The following MAB21L4 variants were observed in gnomAD, a reference collection of about 807,000 sequenced individuals.
The protein encoded by MAB21L4 is protein mab-21-like 4.
A neutral mutation model predicts 32.4 loss-of-function variants in MAB21L4; 25 were observed. The observed-to-expected ratio is 0.77, with a 90% CI of 0.56 to 1.08. The LOEUF is 1.08. MAB21L4 is among the 50% of genes least tolerant of loss of function. The pLI is 0.00. For missense variants in MAB21L4, 638 were observed against 611.0 expected (o/e 1.04, Z -0.47); for synonymous variants, 280 against 276.8 (o/e 1.01, Z -0.11).
Position 240,891,750 on chromosome 2 carries a change from C to T in MAB21L4, c.528G>A (p.Ala176=), listed in dbSNP as rs375876316. The change falls in exon 2 of 5, where the codon GCG becomes GCA. Residue 176 remains alanine (A), a synonymous_variant. Coordinates refer to ENST00000388934, the MANE Select transcript of MAB21L4 (RefSeq NM_001085437.3). ...GGAGCTGCTCCTCCCTCAGGCTGGC[C>T]GCGTTCAGCGAACCTGCAAAGACCC... ...HSLIAPGSLN[A]ASLREEQLHL... 1.2e-4 allele frequency: 195 copies of T among 1,608,242 alleles called. No homozygotes were observed. The highest frequency in any genetic ancestry group is 1.6e-4 in the East Asian group (7 of 44,860).
chr2:240,892,047 C>A (rs1331628276), intron 1 of MAB21L4: 2 of 1,471,468 alleles, frequency 1.4e-6, no homozygotes, highest in Non-Finnish European at 1.8e-6. Context: ...ATGACAGCAG[C>A]GTCCTACATG....
Position 240,886,726 on chromosome 2 carries a change from C to G in MAB21L4, c.*344G>C, listed in dbSNP as rs1283748270. On this transcript the variant is annotated 3_prime_UTR_variant, in exon 5 of 5. Coordinates refer to ENST00000388934, the MANE Select transcript of MAB21L4 (RefSeq NM_001085437.3). Reference sequence around the variant, plus strand: ...AAACCAAATATACAGCATTTCGTCACCAAGGAATGGCATACAGTGCAGGCA... The same window carrying G: ...AAACCAAATATACAGCATTTCGTCAGCAAGGAATGGCATACAGTGCAGGCA... The G allele has an allele frequency of 1.9e-5, 5 of 257,348 alleles. No homozygotes were observed. Among genetic ancestry groups the G allele is most frequent in the African/African-American group, 4.4e-5 (2 of 45,156 alleles). The allele number at this position is 257,348 out of a possible 1,614,324, so 15.9% of individuals were successfully genotyped here.
intron 1 of MAB21L4, among the ~76,000 whole-genome samples, chr2:240,894,670 T>C: frequency 6.6e-6 from 1 of 152,186 alleles, no homozygotes; most frequent in Non-Finnish European, 1.5e-5. Context: ...CTAGGCGTGG[T>C]AGCCCATGCC....
intron 4 of MAB21L4, among the ~76,000 whole-genome samples, chr2:240,887,950 G>A (rs923181468): frequency 6.6e-6 from 1 of 152,172 alleles, no homozygotes; most frequent in African/African-American, 2.4e-5. Flanking sequence ...ATCCCTTCAT[G>A]AGGAATGGAA....
rs1012170309 is a variant in MAB21L4 at position 240,892,162 on chromosome 2, G to A, written c.515-399C>T. ...CTGCTCACTCTGCCCCAGCCCTGGG[G>A]CCAAAGTCCCAGCCCTCAGCTAGCC... On this transcript the variant is annotated intron_variant, in intron 1 of 4. Coordinates refer to ENST00000388934, the MANE Select transcript of MAB21L4 (RefSeq NM_001085437.3). 11 of 887,342 alleles carry A rather than the reference G, an allele frequency of 1.2e-5. No homozygotes were observed. In the African/African-American group the frequency reaches 1.4e-4, roughly 11 times the overall value. The allele number at this position is 887,342 out of a possible 1,614,324, so 55.0% of individuals were successfully genotyped here.
chr2:240,891,779 T>A lies in MAB21L4; in HGVS notation c.515-16A>T, dbSNP rs1158480749. 1.9e-6 allele frequency: 3 copies of A among 1,604,262 alleles called. No homozygotes were observed. Among genetic ancestry groups the A allele is most frequent in the South Asian group, 1.1e-5 (1 of 90,724 alleles). On this transcript the variant is annotated splice_polypyrimidine_tract_variant and intron_variant, in intron 1 of 4. Transcript: ENST00000388934. ...TTCAGCGAACCTGCAAAGACCCAAG[T>A]CACGCCGGCCCCTCGACTTGCCTCA...
intron 3 of MAB21L4, among the ~76,000 whole-genome samples, chr2:240,889,746 G>A (rs2059127433): frequency 6.6e-6 from 1 of 152,218 alleles, no homozygotes. Flanking sequence ...CCCAGGGCCA[G>A]GAGGGCCTCC....
rs756166821 is a variant in MAB21L4, at chr2:240,887,071, C to G, written c.1343G>C (p.Ter448SerextTer36). The G allele has an allele frequency of 6.2e-7, 1 of 1,613,778 alleles. No homozygotes were observed. Residue 448 changes from the stop codon to serine (S), a stop_lost, in exon 5 of 5, where the codon TGA becomes TCA. Coordinates refer to ENST00000388934, the MANE Select transcript of MAB21L4 (RefSeq NM_001085437.3). Reference protein sequence around the residue: ...KTRTLGGEES* With the variant: ...KTRTLGGEESS ...GTGGCTGAGACCAGGTGGCCCAGCT[C>G]AGCTCTCCTCGCCTCCCAGAGTCCT... is the stretch of plus-strand genomic sequence containing the variant.
At position 240,895,961 on chromosome 2, in the gene MAB21L4, C is replaced by G. The variant is rs551400274; in HGVS notation, c.37G>C (p.Val13Leu). The G allele has an allele frequency of 9.5e-6, 14 of 1,479,660 alleles. No homozygotes were observed. In the Admixed American group the frequency reaches 2.2e-4, roughly 23 times the overall value. 91.7% of individuals were successfully genotyped at this position (1,479,660 alleles called of 1,614,324 possible). A position where few individuals can be genotyped will look rare whatever the true frequency, so the allele number is the denominator to read the frequency against. The change falls in exon 1 of 5, where the codon GTG (valine) becomes CTG (leucine). Residue 13 changes from valine (V) to leucine (L), a missense_variant. Val to Leu is a conservative substitution (Grantham distance 32). Transcript: ENST00000388934. ...APALPTSAMAVQVPLWHHYLQ... is the reference protein window; with the variant it reads ...APALPTSAMALQVPLWHHYLQ... Reference sequence around the variant, plus strand: ...TAGTGGTGCCACAGGGGCACCTGCACGGCCATGGCTGAGGTGGGGAGAGCA... The same window carrying G: ...TAGTGGTGCCACAGGGGCACCTGCAGGGCCATGGCTGAGGTGGGGAGAGCA...
intron 1 of MAB21L4, among the ~76,000 whole-genome samples, chr2:240,893,542 G>A (rs2059167567): frequency 6.6e-6 from 1 of 152,238 alleles, no homozygotes; most frequent in Non-Finnish European, 1.5e-5. Flanking sequence ...CACCAGCCCG[G>A]CCACAGGCCA....
chr2:240,894,056 C>A (rs1273808891), intron 1 of MAB21L4, among the ~76,000 whole-genome samples: 1 of 151,932 alleles, frequency 6.6e-6, no homozygotes, highest in Non-Finnish European at 1.5e-5. Context: ...CTGTTAGAAT[C>A]CACCCTCCTG....
intron 1 of MAB21L4, chr2:240,892,113 G>C: frequency 2.2e-6 from 3 of 1,348,774 alleles, no homozygotes; most frequent in Non-Finnish European, 2.9e-6. Context: ...CACGCCTGCT[G>C]TGCCTTCCCA....
rs957064473 is a variant in MAB21L4, at chr2:240,888,732, G to T, written c.895-84C>A. 212 of 906,936 alleles carry T rather than the reference G, an allele frequency of 2.3e-4. 1 individual carries two copies. In the East Asian group the frequency reaches 6.9e-3, roughly 29 times the overall value. 56.2% of individuals were successfully genotyped at this position (906,936 alleles called of 1,614,324 possible). ...CACCCTGCGCTCCCACCCTCACCCT[G>T]GCTGCCCCTCCCTGCTCCTACCCAC... On this transcript the variant is annotated intron_variant, in intron 3 of 4. Coordinates refer to ENST00000388934, the MANE Select transcript of MAB21L4 (RefSeq NM_001085437.3).
chr2:240,891,909 C>T, intron 1 of MAB21L4, 146 bp from the exon 2 acceptor site: 1 of 1,574,018 alleles, frequency 6.4e-7, no homozygotes, highest in South Asian at 1.2e-5. Context: ...CTGCAGGCTG[C>T]AGCTCCCCAA....
Position 240,895,854 on chromosome 2 carries a change from C to A in MAB21L4, c.144G>T (p.Glu48Asp). 6.4e-7 allele frequency: 1 copy of A among 1,569,360 alleles called. No homozygotes were observed. The highest frequency in any genetic ancestry group is 8.7e-7 in the Non-Finnish European group (1 of 1,155,352). ...AGCGGGGGTCCAGGGCATGCACGCG[C>A]TCCAGCACCGTGAGCAGCACGTTCT... ...RAENVLLTVLERVHALDPRFI... is the reference protein window; with the variant it reads ...RAENVLLTVLDRVHALDPRFI... The change falls in exon 1 of 5, where the codon GAG (glutamate) becomes GAT (aspartate). Residue 48 changes from glutamate (E) to aspartate (D), a missense_variant. Transcript: ENST00000388934.
chr2:240,890,756 C>A (rs1156887816), intron 2 of MAB21L4, among the ~76,000 whole-genome samples: 1 of 152,234 alleles, frequency 6.6e-6, no homozygotes, highest in African/African-American at 2.4e-5. Flanking sequence ...CCAAAAATGT[C>A]ATTTTCCCAT....
At position 240,888,489 on chromosome 2, in the gene MAB21L4, C is replaced by T. The variant is rs371029538; in HGVS notation, c.1054G>A (p.Gly352Ser). The T allele has an allele frequency of 1.1e-5, 18 of 1,603,300 alleles. No individual in the cohort carries two copies. Among genetic ancestry groups the T allele is most frequent in the African/African-American group, 6.7e-5 (5 of 74,638 alleles). Residue 352 changes from glycine to serine, a missense_variant, in exon 4 of 5, where the codon GGC becomes AGC. Transcript: ENST00000388934. ...TGGTAGATGGCACCAAGGTCCAGGCCGCTGCCCTGCAGCAGGTTGCGCTGC... is the reference window on the plus strand; with the variant it reads ...TGGTAGATGGCACCAAGGTCCAGGCTGCTGCCCTGCAGCAGGTTGCGCTGC... ...HPQRNLLQGS[G>S]LDLGAIYQRV...
intron 1 of MAB21L4, among the ~76,000 whole-genome samples, chr2:240,893,938 G>A (rs1358418112): frequency 2.0e-5 from 3 of 151,924 alleles, no homozygotes; most frequent in East Asian, 1.9e-4. Context: ...CAGGAAGCCC[G>A]AGGGGCTGGG....
Position 240,895,336 on chromosome 2 carries a change from G to A in MAB21L4, c.514+148C>T, listed in dbSNP as rs73108554. 8,427 of 722,842 alleles carry A rather than the reference G, an allele frequency of 0.012. 540 individuals are homozygous for A. The African/African-American group carries it at 0.13, about 11-fold the overall frequency. 44.8% of individuals were successfully genotyped at this position (722,842 alleles called of 1,614,324 possible). A position where few individuals can be genotyped will look rare whatever the true frequency, so the allele number is the denominator to read the frequency against. On this transcript the variant is annotated intron_variant, in intron 1 of 4. Coordinates refer to ENST00000388934, the MANE Select transcript of MAB21L4 (RefSeq NM_001085437.3). ...CACACACGTGCACACATGCCTGTGCGTGCAGTCACACACAGAAGACAGTCG... is the reference window on the plus strand; with the variant it reads ...CACACACGTGCACACATGCCTGTGCATGCAGTCACACACAGAAGACAGTCG...
Sources: allele counts gnomAD v4.1 joint callset (sites outside exome capture counted in the v4.1 genomes callset), GRCh38; gene constraint gnomAD v4.1.1; transcripts MANE v1.5; gene names NCBI Gene and HGNC (gene_info 2026-07-23, HGNC 2026-07-21).